The following CLK3 variants were observed in gnomAD, a reference collection of about 807,000 sequenced individuals.
CLK3 encodes dual specificity protein kinase CLK3.
Under a neutral mutation model 65.2 loss-of-function variants are expected in CLK3, and 24 were observed. The observed-to-expected ratio is 0.37, with a 90% CI of 0.27 to 0.52. CLK3 has a LOEUF of 0.52. CLK3 is among the 20% of genes least tolerant of loss of function. The pLI is 0.92. For synonymous variants in CLK3, 252 were observed against 240.8 expected (o/e 1.05, Z -0.43); for missense variants, 506 against 660.0 (o/e 0.77, Z 2.56).
rs542149566 is a variant in CLK3, at chr15:74,619,121, G to T, written c.1-76G>T. ...ACAATGGGCCTCTTCAGGAGCAACC[G>T]GGAAGCCCCAGCAGCCCCATGGCTG... On this transcript the variant is annotated intron_variant, in intron 1 of 12. Transcript: ENST00000395066. The T allele has an allele frequency of 1.6e-5, 25 of 1,573,896 alleles. No individual in the cohort carries two copies. In the Admixed American group the frequency reaches 4.5e-4, roughly 28 times the overall value.
At position 74,622,308 on chromosome 15, in the gene CLK3, G is replaced by A. The variant is rs56298217; in HGVS notation, c.466+92G>A. ...CTGCCTGGAGGGGCCTCTAGTGCGC[G>A]TGGTGCCTTAGCGGGGCCACCAGTA... On this transcript the variant is annotated intron_variant, in intron 4 of 12. Coordinates refer to ENST00000395066, the MANE Select transcript of CLK3 (RefSeq NM_001130028.2). This position sits in a 1 kb window ranked among gnomAD's most constrained non-coding sequence, Gnocchi z 4.6. 69,977 of 1,279,338 alleles carry A rather than the reference G, an allele frequency of 0.055. 3,294 individuals carry two copies. The highest frequency in any genetic ancestry group is 0.18 in the South Asian group (13,811 of 75,224). The allele number at this position is 1,279,338 out of a possible 1,614,324, so 79.2% of individuals were successfully genotyped here. A position where few individuals can be genotyped will look rare whatever the true frequency, so the allele number is the denominator to read the frequency against.
At chr15:74,619,118 A>T in intron 1 of CLK3, 79 bp from the exon 2 acceptor site, 5 of 1,566,962 alleles carry the variant, frequency 3.2e-6, no homozygotes, top group South Asian at 2.4e-5. Context: ...TTCAGGAGCA[A>T]CCGGGAAGCC....
chr15:74,615,620 G>T, upstream of CLK3: 1 of 1,252,112 alleles, frequency 8.0e-7, no homozygotes, highest in South Asian at 3.1e-5. Context: ...CGTGCGCCGC[G>T]ACACGGCGGG....
chr15:74,627,232 C>A lies in CLK3; in HGVS notation c.818-120C>A. ...AGGCAGGCTGTAGTCCAGCTCCCTGCTGAGGTGGGGGTGTGAGGACCTCTG... is the reference window on the plus strand; with the variant it reads ...AGGCAGGCTGTAGTCCAGCTCCCTGATGAGGTGGGGGTGTGAGGACCTCTG... On this transcript the variant is annotated intron_variant, in intron 7 of 12. Transcript: ENST00000395066. This position sits in a 1 kb window ranked among gnomAD's most constrained non-coding sequence, Gnocchi z 4.3. The A allele has an allele frequency of 1.2e-6, 1 of 800,428 alleles. No individual in the cohort carries two copies. Among genetic ancestry groups the A allele is most frequent in the Non-Finnish European group, 2.2e-6 (1 of 452,602 alleles). 49.6% of individuals were successfully genotyped at this position (800,428 alleles called of 1,614,324 possible).
chr15:74,609,348 G>C (rs984669531), intron 1 of CLK3, among the ~76,000 whole-genome samples: 2 of 152,230 alleles, frequency 1.3e-5, no homozygotes, highest in African/African-American at 4.8e-5. Context: ...ACTAGCAGGG[G>C]GGCCAGTTAT....
At chr15:74,629,594 A>T (rs1224032102) in intron 12 of CLK3, 113 bp from the exon 13 acceptor site, 7 of 738,680 alleles carry the variant, frequency 9.5e-6, no homozygotes, top group Non-Finnish European at 1.6e-5. Context: ...TCCTCCAAGG[A>T]GGCATCACTG....
upstream of CLK3, chr15:74,615,760 G>A: frequency 1.6e-6 from 2 of 1,239,412 alleles, no homozygotes; most frequent in South Asian, 3.6e-5. Context: ...CCAGGCCTCC[G>A]AGCCGGGTCG....
Position 74,620,083 on chromosome 15 carries a change from G to T in CLK3, c.227G>T (p.Ser76Ile), listed in dbSNP as rs747525547. 1 of 1,614,190 alleles carries T rather than the reference G, an allele frequency of 6.2e-7. No homozygotes were observed. The highest frequency in any genetic ancestry group is 1.7e-5 in the Admixed American group (1 of 60,030). ...DSDTYRCEER[S>I]PSFGEDYYGP... ...GATACATACCGGTGTGAAGAGCGGA[G>T]CCCATCCTTTGGAGAGGACTACTAT... is the stretch of plus-strand genomic sequence containing the variant. The change falls in exon 3 of 13, where the codon AGC (serine) becomes ATC (isoleucine). Residue 76 changes from serine (S) to isoleucine (I), a missense_variant. This residue lies in a region of CLK3 where 181 missense variants were observed against 159.4 expected (regional missense o/e 1.14). Transcript: ENST00000395066.
Position 74,622,324 on chromosome 15 carries a change from GC to G in CLK3, c.466+110del. The G allele has an allele frequency of 8.8e-7, 1 of 1,134,912 alleles. No homozygotes were observed. The highest frequency in any genetic ancestry group is 1.3e-6 in the Non-Finnish European group (1 of 774,872). The allele number at this position is 1,134,912 out of a possible 1,614,324, so 70.3% of individuals were successfully genotyped here. A position where few individuals can be genotyped will look rare whatever the true frequency, so the allele number is the denominator to read the frequency against. ...CTAGTGCGCGTGGTGCCTTAGCGGGGCCACCAGTAATTGCCTGAATGACACA... is the reference window on the plus strand; with the variant it reads ...CTAGTGCGCGTGGTGCCTTAGCGGGGCACCAGTAATTGCCTGAATGACACA... On this transcript the variant is annotated intron_variant, in intron 4 of 12. Coordinates refer to ENST00000395066, the MANE Select transcript of CLK3 (RefSeq NM_001130028.2). This position sits in a 1 kb window ranked among gnomAD's most constrained non-coding sequence, Gnocchi z 4.6.
At chr15:74,615,504 C>G (rs923835570), upstream of CLK3, 8 of 1,307,856 alleles carry the variant, frequency 6.1e-6, no homozygotes, top group Middle Eastern at 5.6e-4. Context: ...CACGCGGGGT[C>G]GGGGCGACGG....
At chr15:74,612,717 C>CCCCCTCCAAAATTGTCT (rs2062006259), upstream of CLK3, among the ~76,000 whole-genome samples, 1 of 152,196 alleles carries the variant, frequency 6.6e-6, no homozygotes, top group Non-Finnish European at 1.5e-5. Context: ...GCTCCTGCAG[C>CCCCCTCCAAAATTGTCT]CCCCTCCAAA....
rs1403075304 is a variant in CLK3, at chr15:74,620,090, C to A, written c.234C>A (p.Ser78=). ...DTYRCEERSP[S]FGEDYYGPSR... is the part of the protein sequence containing the mutation. ...ACCGGTGTGAAGAGCGGAGCCCATC[C>A]TTTGGAGAGGACTACTATGGACCTT... Residue 78 remains serine, a synonymous_variant, in exon 3 of 13, where the codon TCC becomes TCA. Coordinates refer to ENST00000395066, the MANE Select transcript of CLK3 (RefSeq NM_001130028.2). The A allele has an allele frequency of 6.2e-7, 1 of 1,614,202 alleles. No individual in the cohort carries two copies. The highest frequency in any genetic ancestry group is 1.7e-5 in the Admixed American group (1 of 60,030).
intron 1 of CLK3, among the ~76,000 whole-genome samples, chr15:74,617,901 GA>G (rs914605410): frequency 6.6e-6 from 1 of 152,254 alleles, no homozygotes; most frequent in African/African-American, 2.4e-5. Context: ...AGCTTTTGGG[GA>G]GGTGATTTCA....
At position 74,617,439 on chromosome 15, in the gene CLK3, T is replaced by G. The variant is rs191346216; in HGVS notation, c.-1+1541T>G. ...AGGCATTTCACTTATAGGAGAGAGA[T>G]ATTTAATCCTCACAGAACCTTGTAA... On this transcript the variant is annotated intron_variant, in intron 1 of 12. Coordinates refer to ENST00000395066, the MANE Select transcript of CLK3 (RefSeq NM_001130028.2). 1.8e-3 allele frequency among the ~76,000 whole-genome samples: 275 copies of G among 152,372 alleles called. 3 individuals carry two copies. Among genetic ancestry groups the G allele is most frequent in the Middle Eastern group, 6.8e-3 (2 of 294 alleles).
intron 3 of CLK3, 142 bp downstream of exon 3, chr15:74,620,367 G>T: frequency 8.5e-7 from 1 of 1,180,796 alleles, no homozygotes; most frequent in Non-Finnish European, 1.2e-6. Context: ...TGTATGTGTT[G>T]TCTGGTCCAG....
At position 74,624,688 on chromosome 15, in the gene CLK3, C is replaced by G. The variant is rs2062130132; in HGVS notation, c.534-214C>G. 6 of 593,014 alleles carry G rather than the reference C, an allele frequency of 1.0e-5. No individual in the cohort carries two copies. Among genetic ancestry groups the G allele is most frequent in the Non-Finnish European group, 1.8e-5 (6 of 329,908 alleles). 36.7% of individuals were successfully genotyped at this position (593,014 alleles called of 1,614,324 possible). A position where few individuals can be genotyped will look rare whatever the true frequency, so the allele number is the denominator to read the frequency against. On this transcript the variant is annotated intron_variant, in intron 5 of 12. Transcript: ENST00000395066. This position sits in a 1 kb window ranked among gnomAD's most constrained non-coding sequence, Gnocchi z 4.2. ...TAAAAGCCTAAGGATGGCAAGGATG[C>G]TAAGAGCATTAACTCACAGATCTCA...
rs562476100 is a variant in CLK3 at position 74,621,746 on chromosome 15, G to A, written c.370-374G>A. The A allele has an allele frequency of 2.5e-5, 8 of 315,634 alleles. No individual in the cohort carries two copies. The highest frequency in any genetic ancestry group is 7.0e-5 in the African/African-American group (3 of 42,820). The allele number at this position is 315,634 out of a possible 1,614,324, so 19.6% of individuals were successfully genotyped here. On this transcript the variant is annotated intron_variant, in intron 3 of 12. Coordinates refer to ENST00000395066, the MANE Select transcript of CLK3 (RefSeq NM_001130028.2). The surrounding 1 kb of genome is among the most constrained non-coding windows in gnomAD (Gnocchi z 4.8). Reference sequence around the variant, plus strand: ...GGGAGGGTCTGGGAGGGAGAGACTCGGAGGAGGAGGAGGAGGGAGTCGGGG... The same window carrying A: ...GGGAGGGTCTGGGAGGGAGAGACTCAGAGGAGGAGGAGGAGGGAGTCGGGG...
intron 1 of CLK3, 64 bp downstream of exon 1, chr15:74,615,962 G>T: frequency 8.6e-7 from 1 of 1,164,174 alleles, no homozygotes; most frequent in Non-Finnish European, 1.1e-6. Context: ...GAGTCGGCGG[G>T]GCAGGCGCGC....
At chr15:74,612,673 G>A (rs1488563565), upstream of CLK3, among the ~76,000 whole-genome samples, 1 of 152,038 alleles carries the variant, frequency 6.6e-6, no homozygotes, top group Non-Finnish European at 1.5e-5. Context: ...CCACTGGACA[G>A]CTTGACTCTC....
Sources: allele counts gnomAD v4.1 joint callset (sites outside exome capture counted in the v4.1 genomes callset), GRCh38; gene constraint gnomAD v4.1.1; regional missense constraint gnomAD v4.1.1; non-coding constraint Gnocchi (gnomAD v3.1); transcripts MANE v1.5; gene names NCBI Gene and HGNC (gene_info 2026-07-23, HGNC 2026-07-21).